CFHR2: variants seen among roughly 807,000 people sequenced by gnomAD.
The protein encoded by CFHR2 is complement factor H-related protein 2.
CFHR2 carries 22 observed loss-of-function variants against 21.7 expected under a neutral mutation model. That is an observed-to-expected ratio of 1.01 (90% CI 0.72 to 1.45). The LOEUF (loss-of-function observed/expected upper bound fraction) is 1.45. Ranked by LOEUF, CFHR2 falls within the 40% of genes most tolerant of loss-of-function variation. The probability of loss-of-function intolerance (pLI) is 0.00; values close to 1 mark genes in which losing one functional copy is unlikely to be tolerated. For synonymous variants in CFHR2, 98 were observed against 97.4 expected, an observed-to-expected ratio of 1.01 and a Z score of -0.04; for missense variants, 294 against 293.3, an observed-to-expected ratio of 1.00 and a Z score of -0.02.
chr1:196,954,616 C>G (rs965562295), intron 3 of CFHR2, among the ~76,000 whole-genome samples: 2 of 152,164 alleles, frequency 1.3e-5, no homozygotes, highest in Admixed American at 1.3e-4. Context: ...AGACTTCTGC[C>G]TGAACATGCA....
chr1:196,951,054 T>C, intron 3 of CFHR2, 26 bp downstream of exon 3: 10 of 1,612,338 alleles, frequency 6.2e-6, no homozygotes, highest in Non-Finnish European at 7.6e-6. Context: ...TTCTCTCAGA[T>C]GCTGTTATAT....
At chr1:196,949,766 A>G (rs991630400) in intron 2 of CFHR2, 117 bp downstream of exon 2, 30 of 1,298,050 alleles carry the variant, frequency 2.3e-5, no homozygotes, top group Non-Finnish European at 3.3e-5. Context: ...AGCTGGAAAG[A>G]TGGGAGATGT....
chr1:196,952,800 A>G (rs1371835111), intron 3 of CFHR2, among the ~76,000 whole-genome samples: 1 of 152,230 alleles, frequency 6.6e-6, no homozygotes, highest in Non-Finnish European at 1.5e-5. Flanking sequence ...CTAAGTTGCC[A>G]AAATAAACTT....
chr1:196,951,450 C>G (rs796581926), intron 3 of CFHR2, among the ~76,000 whole-genome samples: 31 of 152,198 alleles, frequency 2.0e-4, no homozygotes, highest in African/African-American at 7.2e-4. Flanking sequence ...TTCAATAAAT[C>G]ATCAATTCTT....
At chr1:196,951,129 C>T (rs918537457) in intron 3 of CFHR2, 101 bp downstream of exon 3, 13 of 1,334,946 alleles carry the variant, frequency 9.7e-6, no homozygotes, top group African/African-American at 2.9e-5. Flanking sequence ...TAGGTTTTGC[C>T]ACATACTTCT....
chr1:196,953,265 T>C (rs1652716594), intron 3 of CFHR2, among the ~76,000 whole-genome samples: 1 of 151,910 alleles, frequency 6.6e-6, no homozygotes, highest in African/African-American at 2.4e-5. Context: ...TTTATTTATT[T>C]ATTTATTTAC....
rs1174198311 is a variant in CFHR2 at position 196,958,940 on chromosome 1, A to C, written c.673A>C (p.Asn225His). 1.9e-6 allele frequency: 3 copies of C among 1,605,050 alleles called. No individual in the cohort carries two copies. The highest frequency in any genetic ancestry group is 3.3e-5 in the Admixed American group (2 of 59,864). ...ATATAACATAAAATTAAAGTGGACA[A>C]ACCAACAAAAGCTTTATTCAAGAAC... is the stretch of plus-strand genomic sequence containing the variant. ...EKYNIKLKWT[N>H]QQKLYSRTGD... Residue 225 changes from asparagine (N) to histidine (H), a missense_variant, in exon 5 of 5, where the codon AAC becomes CAC. Physicochemically the swap from Asn to His is moderately conservative, Grantham distance 68. Coordinates refer to ENST00000367415, the MANE Select transcript of CFHR2 (RefSeq NM_005666.4).
At chr1:196,952,171 A>G (rs996013655) in intron 3 of CFHR2, among the ~76,000 whole-genome samples, 6 of 152,068 alleles carry the variant, frequency 3.9e-5, no homozygotes, top group Non-Finnish European at 7.4e-5. Context: ...AGCCACTGGT[A>G]AGTCTGAAGT....
intron 3 of CFHR2, 126 bp from the exon 4 acceptor site, chr1:196,957,765 G>A: frequency 1.2e-6 from 1 of 807,166 alleles, no homozygotes; most frequent in Non-Finnish European, 1.9e-6. Flanking sequence ...TTTTACTCCG[G>A]GAATCATTTC....
intron 3 of CFHR2, among the ~76,000 whole-genome samples, chr1:196,955,537 A>G (rs1652836355): frequency 6.6e-6 from 1 of 152,098 alleles, no homozygotes; most frequent in South Asian, 2.1e-4. Context: ...AACTTCTCCA[A>G]CCTGGGTAAT....
chr1:196,945,337 AG>A (rs1571479316), intron 1 of CFHR2, among the ~76,000 whole-genome samples: 1 of 133,958 alleles, frequency 7.5e-6, no homozygotes, highest in Admixed American at 7.7e-5. Flanking sequence ...ATTTCTAAAT[AG>A]GGGGGTAGCA....
Position 196,958,885 on chromosome 1 carries a change from A to G in CFHR2, c.618A>G (p.Pro206=), listed in dbSNP as rs1181899904. 1.9e-6 allele frequency: 3 copies of G among 1,559,902 alleles called. No individual in the cohort carries two copies. Among genetic ancestry groups the G allele is most frequent in the African/African-American group, 1.4e-5 (1 of 73,480 alleles). ...QWSEPPKCLD[P]CVISQEIMEK... is the part of the protein sequence containing the mutation. ...TTCATTTTTTTCTACTTTCAGATCCATGTGTAATATCACAAGAAATTATGG... is the reference window on the plus strand; with the variant it reads ...TTCATTTTTTTCTACTTTCAGATCCGTGTGTAATATCACAAGAAATTATGG... The change falls in exon 5 of 5, where the codon CCA becomes CCG. Residue 206 remains proline, a synonymous_variant. Coordinates refer to ENST00000367415, the MANE Select transcript of CFHR2 (RefSeq NM_005666.4).
At position 196,957,345 on chromosome 1, in the gene CFHR2, C is replaced by CTT. The variant is rs5779854; in HGVS notation, c.431-532_431-531dup. On this transcript the variant is annotated intron_variant, in intron 3 of 4. Transcript: ENST00000367415. ...TTCAGAGTCTTTTTATGTTCTTTTCCTTTTTTTTTTTTTTTACTTTGTGTT... is the reference window on the plus strand; with the variant it reads ...TTCAGAGTCTTTTTATGTTCTTTTCCTTTTTTTTTTTTTTTTTACTTTGTGTT... 8.1e-3 allele frequency among the ~76,000 whole-genome samples: 1,129 copies of CTT among 140,074 alleles called. 8 individuals carry two copies. The highest frequency in any genetic ancestry group is 0.018 in the African/African-American group (702 of 38,018). The allele number at this position is 140,074 out of a possible 152,430, so 91.9% of individuals were successfully genotyped here.
Position 196,944,092 on chromosome 1 carries a change from A to G in CFHR2, c.58+154A>G, listed in dbSNP as rs1659389767. ...CTATTTTATGGAAATACTTTCTAAC[A>G]TGCAATTAGCAGGAAAATAGAATAA... On this transcript the variant is annotated intron_variant, in intron 1 of 4. Transcript: ENST00000367415. Among the ~76,000 whole-genome samples the G allele has an allele frequency of 1.7e-5, 2 of 117,244 alleles. 1 individual carries two copies. Among genetic ancestry groups the G allele is most frequent in the South Asian group, 5.3e-4 (2 of 3,762 alleles). The allele number at this position is 117,244 out of a possible 152,430, so 76.9% of individuals were successfully genotyped here.
At chr1:196,957,787 A>C in intron 3 of CFHR2, 104 bp from the exon 4 acceptor site, 1 of 1,007,862 alleles carries the variant, frequency 9.9e-7, no homozygotes. Context: ...TTCAGCACAA[A>C]TCACAAAAGC....
rs1653010861 is a variant in CFHR2 at position 196,958,950 on chromosome 1, A to T, written c.683A>T (p.Lys228Met). 3.1e-6 allele frequency: 5 copies of T among 1,606,540 alleles called. No individual in the cohort carries two copies. Among genetic ancestry groups the T allele is most frequent in the Non-Finnish European group, 4.3e-6 (5 of 1,173,842 alleles). ...AAATTAAAGTGGACAAACCAACAAA[A>T]GCTTTATTCAAGAACAGGTGACATA... The part of the protein sequence containing the change: ...NIKLKWTNQQ[K>M]LYSRTGDIVE... Residue 228 changes from lysine (K) to methionine (M), a missense_variant, in exon 5 of 5, where the codon AAG becomes ATG. Lys to Met is a moderately conservative substitution (Grantham distance 95). Transcript: ENST00000367415.
rs545088604 is a variant in CFHR2, at chr1:196,945,154, G to A, written c.58+1216G>A. On this transcript the variant is annotated intron_variant, in intron 1 of 4. Transcript: ENST00000367415. Reference sequence around the variant, plus strand: ...GCCTCCCACAGTGTTGGGATTGCAGGCATAAGCCACCACGCCTAGCCCTTG... The same window carrying A: ...GCCTCCCACAGTGTTGGGATTGCAGACATAAGCCACCACGCCTAGCCCTTG... Among the ~76,000 whole-genome samples the A allele has an allele frequency of 3.5e-5, 5 of 144,858 alleles. 1 individual carries two copies. The South Asian group carries it at 1.1e-3, about 32-fold the overall frequency.
Position 196,959,068 on chromosome 1 carries a change from T to A in CFHR2, c.801T>A (p.Cys267Ter). 3 of 1,598,982 alleles carry A rather than the reference T, an allele frequency of 1.9e-6. No individual in the cohort carries two copies. Among genetic ancestry groups the A allele is most frequent in the Non-Finnish European group, 2.6e-6 (3 of 1,171,642 alleles). Residue 267 changes from cysteine (C) to a stop codon, truncating the protein, a stop_gained, in exon 5 of 5, where the codon TGT (cysteine) becomes TGA (stop). Coordinates refer to ENST00000367415, the MANE Select transcript of CFHR2 (RefSeq NM_005666.4). LOFTEE classifies it low-confidence loss of function (END_TRUNC). Reference sequence around the variant, plus strand: ...ATGGGAAACTGGTATATCCCAGTTGTGAAGAAAAATAGAATCAATGGCATT... The same window carrying A: ...ATGGGAAACTGGTATATCCCAGTTGAGAAGAAAAATAGAATCAATGGCATT... Reference protein sequence around the residue: ...CQNGKLVYPSCEEK With the variant: ...CQNGKLVYPS
intron 1 of CFHR2, among the ~76,000 whole-genome samples, chr1:196,945,083 T>C: frequency 6.9e-6 from 1 of 144,260 alleles, no homozygotes. Flanking sequence ...TCCATGTTGG[T>C]CAGGCTGGTC....
Sources: gnomAD v4.1 joint callset for allele counts (sites outside exome capture counted in the v4.1 genomes callset) on GRCh38, gnomAD v4.1.1 for gene constraint, MANE v1.5 for transcripts, NCBI Gene and HGNC (gene_info 2026-07-23, HGNC 2026-07-21) for gene names.